CSMD1: variants seen among roughly 807,000 people sequenced by gnomAD.
CSMD1 encodes the protein CUB and sushi domain-containing protein 1.
CSMD1 carries 213 observed loss-of-function variants against 417.5 expected under a neutral mutation model. That is an observed-to-expected ratio of 0.51 (90% CI 0.46 to 0.57). The LOEUF is 0.57. CSMD1 is among the 20% of genes least tolerant of loss of function. The pLI is 0.00. For missense variants in CSMD1, 6,923 were observed against 4,529.7 expected, an observed-to-expected ratio of 1.53 and a Z score of -15.17; for synonymous variants, 2,862 against 1,736.8, an observed-to-expected ratio of 1.65 and a Z score of -16.11.
intron 5 of CSMD1, among the ~76,000 whole-genome samples, chr8:3,832,735 G>C (rs117329781): frequency 6.6e-6 from 1 of 152,072 alleles, no homozygotes; most frequent in Non-Finnish European, 1.5e-5. Context: ...ACACCATGAT[G>C]ACTTCTGATA....
chr8:4,140,371 G>A (rs1563176012), intron 3 of CSMD1, among the ~76,000 whole-genome samples: 1 of 150,948 alleles, frequency 6.6e-6, no homozygotes, highest in Non-Finnish European at 1.5e-5. Context: ...GGTGGCACAT[G>A]CCTGTAATCC....
intron 7 of CSMD1, among the ~76,000 whole-genome samples, chr8:3,654,100 G>A (rs1362861725): frequency 6.6e-6 from 1 of 152,052 alleles, no homozygotes; most frequent in African/African-American, 2.4e-5. Flanking sequence ...TAGAGTAGAG[G>A]GTGTTGTCAG....
intron 12 of CSMD1, among the ~76,000 whole-genome samples, chr8:3,424,617 C>T (rs1259605280): frequency 6.6e-6 from 1 of 152,130 alleles, no homozygotes; most frequent in African/African-American, 2.4e-5. Flanking sequence ...AATTTGAACA[C>T]AAAATCTTTC....
intron 7 of CSMD1, among the ~76,000 whole-genome samples, chr8:3,674,581 T>G (rs1177711935): frequency 2.7e-5 from 4 of 148,108 alleles, no homozygotes; most frequent in African/African-American, 9.8e-5. Flanking sequence ...ATTAAGCTAC[T>G]GCAAAATATA....
At chr8:3,846,805 C>G (rs1401814772) in intron 5 of CSMD1, among the ~76,000 whole-genome samples, 2 of 152,068 alleles carry the variant, frequency 1.3e-5, no homozygotes, top group Non-Finnish European at 2.9e-5. Context: ...TCCCAAGTAG[C>G]TGGGATTACA....
intron 2 of CSMD1, among the ~76,000 whole-genome samples, chr8:4,631,867 T>C (rs1802538741): frequency 6.6e-6 from 1 of 152,210 alleles, no homozygotes; most frequent in African/African-American, 2.4e-5. Context: ...TCCCTAGGCC[T>C]TGTATTTTAC....
Position 3,096,973 on chromosome 8 carries a change from C to A in CSMD1, c.7014G>T (p.Pro2338=). 1 of 1,555,334 alleles carries A rather than the reference C, an allele frequency of 6.4e-7. No individual in the cohort carries two copies. Among genetic ancestry groups the A allele is most frequent in the Non-Finnish European group, 8.7e-7 (1 of 1,148,584 alleles). Residue 2338 remains proline, a synonymous_variant, in exon 47 of 70, where the codon CCG becomes CCT. Coordinates refer to ENST00000635120, the MANE Select transcript of CSMD1 (RefSeq NM_033225.6). ...SSGVILSPGY[P]GNYFNSQTCS... ...AAGTCTGGGAGTTAAAATAATTACC[C>A]GGATACCCTGGACTGAGAATGACTC...
chr8:3,146,185 A>G (rs1818833674), intron 40 of CSMD1, among the ~76,000 whole-genome samples: 1 of 152,200 alleles, frequency 6.6e-6, no homozygotes, highest in Non-Finnish European at 1.5e-5. Context: ...GATTTTAAGT[A>G]TAAAAGATAA....
chr8:4,464,916 G>A (rs1008129345), intron 2 of CSMD1, among the ~76,000 whole-genome samples: 1 of 151,950 alleles, frequency 6.6e-6, no homozygotes, highest in African/African-American at 2.4e-5. Flanking sequence ...TCTCCATTGG[G>A]GCTGAGCACG....
chr8:3,709,373 G>C (rs1432631254), intron 6 of CSMD1, among the ~76,000 whole-genome samples: 1 of 152,106 alleles, frequency 6.6e-6, no homozygotes, highest in Non-Finnish European at 1.5e-5. Flanking sequence ...CCATGACCTA[G>C]GTAAGTTACT....
rs371417890 is a variant in CSMD1, at chr8:3,779,699, A to G, written c.819-25657T>C. ...AATATAGAAAACCAGATACAACACT[A>G]TCTAGCGCATATTTTATATCTGCAG... On this transcript the variant is annotated intron_variant, in intron 5 of 69. Transcript: ENST00000635120. 7.2e-5 allele frequency among the ~76,000 whole-genome samples: 11 copies of G among 152,190 alleles called. No homozygotes were observed. In the South Asian group the frequency reaches 8.3e-4, roughly 11 times the overall value.
At position 3,826,944 on chromosome 8, in the gene CSMD1, A is replaced by T. The variant is rs145559698; in HGVS notation, c.819-72902T>A. ...TGAAACTACAGGCATGTGCCTAGCT[A>T]TTTTTTTAAATATAATTTATAGAGA... On this transcript the variant is annotated intron_variant, in intron 5 of 69. Coordinates refer to ENST00000635120, the MANE Select transcript of CSMD1 (RefSeq NM_033225.6). Among the ~76,000 whole-genome samples, 650 of 151,922 alleles carry T rather than the reference A, an allele frequency of 4.3e-3. 3 individuals are homozygous for T. The highest frequency in any genetic ancestry group is 5.8e-3 in the Non-Finnish European group (396 of 67,978).
chr8:3,496,487 A>G (rs1045559080), intron 10 of CSMD1, among the ~76,000 whole-genome samples: 1 of 152,174 alleles, frequency 6.6e-6, no homozygotes, highest in Non-Finnish European at 1.5e-5. Flanking sequence ...CTTTTTTGAT[A>G]TAGGTGTTTA....
intron 5 of CSMD1, among the ~76,000 whole-genome samples, chr8:3,988,817 G>C (rs1194918476): frequency 6.6e-6 from 1 of 152,064 alleles, no homozygotes; most frequent in Non-Finnish European, 1.5e-5. Flanking sequence ...AACAAGGAAG[G>C]GTCATCATTT....
intron 6 of CSMD1, among the ~76,000 whole-genome samples, chr8:3,743,673 C>T (rs889772844): frequency 7.9e-5 from 12 of 152,108 alleles, no homozygotes; most frequent in Admixed American, 1.3e-4. Context: ...TGAAAAGCTC[C>T]ACACTTCTCC....
chr8:4,136,721 C>CA (rs1250992827), intron 3 of CSMD1, among the ~76,000 whole-genome samples: 1 of 152,178 alleles, frequency 6.6e-6, no homozygotes, highest in Non-Finnish European at 1.5e-5. Context: ...ATGTAGCCAT[C>CA]AAGCCAACGG....
At chr8:4,648,716 G>A (rs1236346325) in intron 1 of CSMD1, among the ~76,000 whole-genome samples, 2 of 152,088 alleles carry the variant, frequency 1.3e-5, no homozygotes, top group Non-Finnish European at 2.9e-5. Flanking sequence ...TTTCCTCAGT[G>A]TCTTTGTGAA....
rs903210630 is a variant in CSMD1 at position 3,284,297 on chromosome 8, C to A, written c.4000G>T (p.Val1334Phe). The change falls in exon 26 of 70, where the codon GTC (valine) becomes TTC (phenylalanine). Residue 1334 changes from valine to phenylalanine, a missense_variant. Physicochemically the swap from Val to Phe is conservative, Grantham distance 50 (BLOSUM62 -1). Coordinates refer to ENST00000635120, the MANE Select transcript of CSMD1 (RefSeq NM_033225.6). ...TCACTGTCCACCGGCCCGTCCCAGA[C>A]CTTGAGGATGTCGTGAGCCATCTCC... ...DTEMAHDILK[V>F]WDGPVDSDIL... 1.2e-6 allele frequency: 2 copies of A among 1,613,828 alleles called. No individual in the cohort carries two copies. The highest frequency in any genetic ancestry group is 1.3e-5 in the African/African-American group (1 of 74,918).
chr8:3,459,692 A>C (rs531701412), intron 12 of CSMD1, among the ~76,000 whole-genome samples: 1 of 152,274 alleles, frequency 6.6e-6, no homozygotes, highest in African/African-American at 2.4e-5. Context: ...GATATACTTC[A>C]GGAATTGGGT....
Sources: allele counts gnomAD v4.1 joint callset (sites outside exome capture counted in the v4.1 genomes callset), GRCh38; gene constraint gnomAD v4.1.1; transcripts MANE v1.5; gene names NCBI Gene and HGNC (gene_info 2026-07-23, HGNC 2026-07-21).